MGST1: variants seen among roughly 807,000 people sequenced by gnomAD.
MGST1 encodes the protein microsomal glutathione S-transferase 1.
Under a neutral mutation model 8.9 loss-of-function variants are expected in MGST1, and 5 were observed. The observed-to-expected ratio is 0.56, with a 90% CI of 0.29 to 1.19. The LOEUF is 1.19. Among genes scored for constraint, MGST1 ranks in the 50% most tolerant of loss-of-function variants. The pLI is 0.08. For synonymous variants in MGST1, 54 were observed against 67.8 expected, an observed-to-expected ratio of 0.80 and a Z score of 1.00; for missense variants, 182 against 187.4, an observed-to-expected ratio of 0.97 and a Z score of 0.17.
intron 1 of MGST1, among the ~76,000 whole-genome samples, chr12:16,425,235 A>C (rs1483687317): frequency 6.6e-6 from 1 of 152,192 alleles, no homozygotes; most frequent in Non-Finnish European, 1.5e-5. Flanking sequence ...TAAAATAGCC[A>C]TAATATCCAT....
chr12:16,430,027 A>G (rs2137091955), intron 1 of MGST1, among the ~76,000 whole-genome samples: 1 of 152,310 alleles, frequency 6.6e-6, no homozygotes, highest in East Asian at 1.9e-4. Context: ...AGTTCATGTA[A>G]TATTCTAAAT....
intron 1 of MGST1, among the ~76,000 whole-genome samples, chr12:16,406,100 A>G (rs956760827): frequency 6.6e-6 from 1 of 152,230 alleles, no homozygotes; most frequent in Non-Finnish European, 1.5e-5. Context: ...GCATCCTAAT[A>G]GAAAGCCATC....
intron 4 of MGST1, among the ~76,000 whole-genome samples, chr12:16,464,951 G>A (rs1009380169): frequency 2.0e-5 from 3 of 152,248 alleles, no homozygotes; most frequent in African/African-American, 4.8e-5. Flanking sequence ...TTGTGCACAC[G>A]TATTTACCTG....
rs529048176 is a variant in MGST1, at chr12:16,429,942, G to A, written n.779-7446G>A. On this transcript the variant is annotated intron_variant and non_coding_transcript_variant, in intron 1 of 1. Transcript: ENST00000359720. ...TTCTCTGTGGCATGTGAGGTTATTC[G>A]ATAGCATTTTACCTGCAGTAGAACT... Among the ~76,000 whole-genome samples, 14 of 152,252 alleles carry A rather than the reference G, an allele frequency of 9.2e-5. No individual in the cohort carries two copies. The South Asian group carries it at 1.9e-3, about 20-fold the overall frequency.
In MGST1 at chr12:16,513,486, G is replaced by GA. The variant is rs1941590255; in HGVS notation, n.483-76042_483-76041insA. 9 of 452,672 alleles carry GA rather than the reference G, an allele frequency of 2.0e-5. No homozygotes were observed. The highest frequency in any genetic ancestry group is 4.0e-5 in the Non-Finnish European group (9 of 224,854). 28.0% of individuals were successfully genotyped at this position (452,672 alleles called of 1,614,324 possible). The stretch of plus-strand genomic sequence containing the variant: ...ATGCCCCTGCCAGAGCCAGCTCCTG[G>GA]TGGACCCATGTGGAGATGGGACCAC... On this transcript the variant is annotated intron_variant and non_coding_transcript_variant, in intron 4 of 4. Transcript: ENST00000538857. The surrounding 1 kb of genome is among the most constrained non-coding windows in gnomAD (Gnocchi z 4.2).
At chr12:16,452,731 A>C (rs1389694501) in intron 4 of MGST1, among the ~76,000 whole-genome samples, 3 of 151,896 alleles carry the variant, frequency 2.0e-5, no homozygotes, top group Non-Finnish European at 4.4e-5. Context: ...ACTTATTTAA[A>C]CTAAAAAATG....
At chr12:16,538,718 C>G (rs1415060313) in intron 4 of MGST1, among the ~76,000 whole-genome samples, 1 of 151,746 alleles carries the variant, frequency 6.6e-6, no homozygotes, top group African/African-American at 2.4e-5. Context: ...ACGCCATTCT[C>G]CTGCCTCAGC....
chr12:16,460,436 G>T (rs1941209556), intron 4 of MGST1, among the ~76,000 whole-genome samples: 1 of 151,954 alleles, frequency 6.6e-6, no homozygotes, highest in Non-Finnish European at 1.5e-5. Flanking sequence ...TCTACAAGAT[G>T]GGAAGTTGCT....
chr12:16,524,914 A>C (rs1220586256), intron 4 of MGST1, among the ~76,000 whole-genome samples: 1 of 152,110 alleles, frequency 6.6e-6, no homozygotes, highest in Non-Finnish European at 1.5e-5. Context: ...ACATCCTTAC[A>C]ATAAACTCTG....
At position 16,458,121 on chromosome 12, in the gene MGST1, G is replaced by A. The variant is rs535560125; in HGVS notation, n.482+74517G>A. Among the ~76,000 whole-genome samples, 3 of 152,008 alleles carry A rather than the reference G, an allele frequency of 2.0e-5. No homozygotes were observed. The highest frequency in any genetic ancestry group is 1.9e-4 in the East Asian group (1 of 5,154). On this transcript the variant is annotated intron_variant and non_coding_transcript_variant, in intron 4 of 4. Coordinates refer to the MGST1 transcript ENST00000538857. This position sits in a 1 kb window ranked among gnomAD's most constrained non-coding sequence, Gnocchi z 4.0. The stretch of plus-strand genomic sequence containing the variant: ...ATACCCATTAAAGAAGTGCAAAAGC[G>A]TGAACCCGAGGGTTACTGCATATTA...
At position 16,537,848 on chromosome 12, in the gene MGST1, C is replaced by T. The variant is rs1342830503; in HGVS notation, n.483-51680C>T. On this transcript the variant is annotated intron_variant and non_coding_transcript_variant, in intron 4 of 4. Transcript: ENST00000538857. This position sits in a 1 kb window ranked among gnomAD's most constrained non-coding sequence, Gnocchi z 4.6. ...AACCATTTTTTCCTCCTAGCCTTCC[C>T]GGTCTGTGATGGGAGGGGCTGCTGT... Among the ~76,000 whole-genome samples, 5 of 152,160 alleles carry T rather than the reference C, an allele frequency of 3.3e-5. No homozygotes were observed. The highest frequency in any genetic ancestry group is 6.5e-5 in the Admixed American group (1 of 15,286).
intron 4 of MGST1, among the ~76,000 whole-genome samples, chr12:16,461,075 G>A (rs1380261986): frequency 6.6e-6 from 1 of 150,432 alleles, no homozygotes; most frequent in East Asian, 2.0e-4. Context: ...TAAAGTAATA[G>A]AAACAACAAC....
At chr12:16,459,400 C>A (rs1330177638) in intron 4 of MGST1, among the ~76,000 whole-genome samples, 2 of 152,000 alleles carry the variant, frequency 1.3e-5, no homozygotes, top group Non-Finnish European at 2.9e-5. Context: ...AGAACCTTTC[C>A]ATTCAATATT....
chr12:16,495,311 A>C (rs1591744786), intron 4 of MGST1, among the ~76,000 whole-genome samples: 1 of 152,102 alleles, frequency 6.6e-6, no homozygotes, highest in Admixed American at 6.6e-5. Context: ...ACTGGGGACA[A>C]ATAGAAGGGG....
intron 4 of MGST1, among the ~76,000 whole-genome samples, chr12:16,486,229 C>A: frequency 6.6e-6 from 1 of 152,178 alleles, no homozygotes; most frequent in East Asian, 1.9e-4. Flanking sequence ...ATAGAATATA[C>A]TCTTACACAA....
intron 4 of MGST1, among the ~76,000 whole-genome samples, chr12:16,569,359 T>A (rs1384257149): frequency 6.6e-6 from 1 of 152,218 alleles, no homozygotes; most frequent in East Asian, 1.9e-4. Flanking sequence ...TCTAGGTTTC[T>A]GGACTGACAG....
intron 4 of MGST1, among the ~76,000 whole-genome samples, chr12:16,502,996 A>T (rs773577386): frequency 1.3e-5 from 2 of 152,158 alleles, no homozygotes; most frequent in Admixed American, 6.5e-5. Context: ...TAGCTCTAGG[A>T]TTTTGAGGTA....
chr12:16,382,013 T>C (rs139850218), downstream of MGST1, among the ~76,000 whole-genome samples: 70 of 152,314 alleles, frequency 4.6e-4, no homozygotes, highest in East Asian at 0.012. Flanking sequence ...CTTCTCTGCA[T>C]TGGTTATTCT....
At chr12:16,358,172 C>G (rs922352465) in intron 3 of MGST1, among the ~76,000 whole-genome samples, 3 of 152,134 alleles carry the variant, frequency 2.0e-5, no homozygotes, top group African/African-American at 7.2e-5. Context: ...TTTTAATGTA[C>G]TGGGAATTCA....
Sources: gnomAD v4.1 joint callset for allele counts (sites outside exome capture counted in the v4.1 genomes callset) on GRCh38, gnomAD v4.1.1 for gene constraint, Gnocchi (gnomAD v3.1) non-coding constraint, MANE v1.5 for transcripts, NCBI Gene and HGNC (gene_info 2026-07-23, HGNC 2026-07-21) for gene names.